Variants in EYA1 observed in about 807,000 individuals in gnomAD.
EYA1 encodes the protein protein phosphatase EYA1.
A neutral mutation model predicts 82.0 loss-of-function variants in EYA1; 16 were observed. That is an observed-to-expected ratio of 0.20 (90% confidence interval 0.13 to 0.30). The LOEUF is 0.30. Among genes scored for constraint, EYA1 ranks in the 10% least tolerant of loss-of-function variants. The pLI, the probability that EYA1 is intolerant of heterozygous loss-of-function variation, is 1.00. For synonymous variants in EYA1, 261 were observed against 264.4 expected (o/e 0.99, Z 0.12); for missense variants, 633 against 730.7 (o/e 0.87, Z 1.54).
intron 2 of EYA1, among the ~76,000 whole-genome samples, chr8:71,524,533 T>A (rs1813671287): frequency 6.6e-6 from 1 of 152,246 alleles, no homozygotes; most frequent in Non-Finnish European, 1.5e-5. Flanking sequence ...ATCCCTGTGA[T>A]AGCTATACTT....
intron 11 of EYA1, among the ~76,000 whole-genome samples, chr8:71,262,566 G>C (rs1287227080): frequency 6.6e-6 from 1 of 152,194 alleles, no homozygotes; most frequent in African/African-American, 2.4e-5. Flanking sequence ...ACAGAGCAAG[G>C]GAGGTCCAAA....
At chr8:71,233,346 C>T (rs370217185) in intron 12 of EYA1, among the ~76,000 whole-genome samples, 11 of 152,096 alleles carry the variant, frequency 7.2e-5, no homozygotes, top group South Asian at 2.1e-4. Flanking sequence ...GGGCAGATCA[C>T]GAGGTCAGGA....
At chr8:71,372,520 A>G (rs779066789) in intron 2 of EYA1, among the ~76,000 whole-genome samples, 6 of 152,080 alleles carry the variant, frequency 3.9e-5, no homozygotes, top group Non-Finnish European at 7.4e-5. Flanking sequence ...TAGACAATCC[A>G]AATAGGAGAA....
intron 7 of EYA1, among the ~76,000 whole-genome samples, chr8:71,304,262 G>A (rs1055799932): frequency 1.4e-5 from 2 of 142,312 alleles, no homozygotes; most frequent in African/African-American, 5.0e-5. Flanking sequence ...ACCCCAGGAG[G>A]TGGATGCTGT....
chr8:71,427,184 C>G (rs1485056639), intron 2 of EYA1, among the ~76,000 whole-genome samples: 1 of 152,100 alleles, frequency 6.6e-6, no homozygotes, highest in Non-Finnish European at 1.5e-5. Context: ...TCATGTTTTT[C>G]CCTTCTCTTT....
intron 1 of EYA1, among the ~76,000 whole-genome samples, chr8:71,357,755 A>C (rs2129073714): frequency 6.6e-6 from 1 of 152,328 alleles, no homozygotes; most frequent in East Asian, 1.9e-4. Flanking sequence ...ATGTTACGTA[A>C]AATTTCTAGG....
intron 12 of EYA1, among the ~76,000 whole-genome samples, chr8:71,221,825 G>A (rs1370397549): frequency 2.0e-5 from 3 of 152,164 alleles, no homozygotes; most frequent in Non-Finnish European, 1.5e-5. Flanking sequence ...TAATGGCAGA[G>A]TATGACCTTC....
At chr8:71,424,083 A>C (rs1026370676) in intron 2 of EYA1, among the ~76,000 whole-genome samples, 7 of 152,192 alleles carry the variant, frequency 4.6e-5, no homozygotes, top group African/African-American at 1.7e-4. Context: ...TATAAGACAA[A>C]ATGTTGGATG....
chr8:71,250,426 C>G (rs1194740019), intron 11 of EYA1, among the ~76,000 whole-genome samples: 2 of 152,222 alleles, frequency 1.3e-5, no homozygotes, highest in African/African-American at 4.8e-5. Flanking sequence ...GCAGCTCCAC[C>G]TCCCTGATCC....
chr8:71,521,463 T>C (rs374195411), intron 2 of EYA1, among the ~76,000 whole-genome samples: 1 of 152,096 alleles, frequency 6.6e-6, no homozygotes, highest in African/African-American at 2.4e-5. Flanking sequence ...TTTTGATATA[T>C]AAAGAAACAA....
At chr8:71,331,277 C>T (rs933601247) in intron 4 of EYA1, among the ~76,000 whole-genome samples, 1 of 123,312 alleles carries the variant, frequency 8.1e-6, no homozygotes, top group Non-Finnish European at 1.8e-5. Flanking sequence ...CACACACACA[C>T]ACACACACAT....
At chr8:71,535,818 A>T in exon 2 of EYA1, 1 of 1,398,226 alleles carries the variant, frequency 7.2e-7, no homozygotes, top group Non-Finnish European at 9.6e-7. Flanking sequence ...TTAGCTACAC[A>T]CTTCTTCAAA....
chr8:71,269,107 T>A (rs539274573), intron 11 of EYA1, among the ~76,000 whole-genome samples: 1 of 152,320 alleles, frequency 6.6e-6, no homozygotes, highest in African/African-American at 2.4e-5. Context: ...AATTCCAAAC[T>A]TTTGGGATAC....
At chr8:71,277,030 A>G (rs145034913) in intron 9 of EYA1, among the ~76,000 whole-genome samples, 126 of 144,788 alleles carry the variant, frequency 8.7e-4, no homozygotes, top group African/African-American at 2.7e-3. Context: ...ATCTCTAACT[A>G]CCCTCTCTTC....
At chr8:71,492,470 T>TA (rs71555584) in intron 2 of EYA1, among the ~76,000 whole-genome samples, 13,006 of 136,508 alleles carry the variant, frequency 0.095, 675 homozygotes, top group African/African-American at 0.16. Flanking sequence ...TTATTATTAT[T>TA]TTTTTTTTTT....
chr8:71,206,288 C>T (rs1482834353), intron 17 of EYA1, among the ~76,000 whole-genome samples: 1 of 151,636 alleles, frequency 6.6e-6, no homozygotes, highest in Non-Finnish European at 1.5e-5. Context: ...GTGCCATCAT[C>T]ACAGCTCACT....
intron 12 of EYA1, among the ~76,000 whole-genome samples, chr8:71,222,688 T>C (rs1285635796): frequency 6.6e-6 from 1 of 152,222 alleles, no homozygotes. Flanking sequence ...GCAATAGTAT[T>C]TAATGTTACA....
chr8:71,221,469 A>G (rs1242595344), intron 12 of EYA1, among the ~76,000 whole-genome samples: 5 of 152,184 alleles, frequency 3.3e-5, no homozygotes, highest in African/African-American at 4.8e-5. Context: ...AAGACGTGGG[A>G]AGAGAGTAAT....
intron 12 of EYA1, among the ~76,000 whole-genome samples, chr8:71,242,949 G>T (rs1218865014): frequency 1.4e-5 from 2 of 140,602 alleles, no homozygotes; most frequent in Non-Finnish European, 3.1e-5. Context: ...AGCTAATTTT[G>T]TATTTTTAAT....
Sources: allele counts gnomAD v4.1 joint callset (sites outside exome capture counted in the v4.1 genomes callset), GRCh38; gene constraint gnomAD v4.1.1; transcripts MANE v1.5; gene names NCBI Gene and HGNC (gene_info 2026-07-23, HGNC 2026-07-21).